SUN3: variants seen among roughly 807,000 people sequenced by gnomAD.
The protein encoded by SUN3 is SUN domain-containing protein 3.
In SUN3, 36 loss-of-function variants were observed where a neutral mutation model predicts 48.2. That is an observed-to-expected ratio of 0.75 (90% CI 0.57 to 0.99). The LOEUF is 0.99. Among genes scored for constraint, SUN3 ranks in the 50% least tolerant of loss-of-function variants. The pLI, the probability that SUN3 is intolerant of heterozygous loss-of-function variation, is 0.00. For synonymous variants in SUN3, 148 were observed against 147.9 expected, an observed-to-expected ratio of 1.00 and a Z score of 0.00; for missense variants, 419 against 433.1, an observed-to-expected ratio of 0.97 and a Z score of 0.29.
At chr7:47,990,920 G>C (rs1789040006) in intron 8 of SUN3, 1 of 399,228 alleles carries the variant, frequency 2.5e-6, no homozygotes, top group Non-Finnish European at 4.7e-6. Flanking sequence ...TGAACACAAA[G>C]CGGAGCAACA....
At chr7:47,991,046 CTAAAA>C (rs1286556937) in intron 8 of SUN3, 1 of 455,172 alleles carries the variant, frequency 2.2e-6, no homozygotes, top group East Asian at 7.0e-5. Context: ...ACCTCTGAAC[CTAAAA>C]TAAAAGTTAA....
intron 2 of SUN3, among the ~76,000 whole-genome samples, chr7:48,022,158 G>A (rs183673757): frequency 6.6e-6 from 1 of 152,152 alleles, no homozygotes; most frequent in African/African-American, 2.4e-5. Context: ...AGTGAAATAA[G>A]CCATTCATAG....
the SUN3 span, chr7:48,035,537 G>A: frequency 1.4e-6 from 1 of 698,304 alleles, no homozygotes; most frequent in South Asian, 1.5e-5. This position sits in a 1 kb window ranked among gnomAD's most constrained non-coding sequence, Gnocchi z 4.0. Flanking sequence ...GGCGCGCTGG[G>A]AGTTTGGGTT....
rs1407781327 is a variant in SUN3 at position 48,017,354 on chromosome 7, G to T, written c.196C>A (p.His66Asn). 6.3e-7 allele frequency: 1 copy of T among 1,589,000 alleles called. No homozygotes were observed. Residue 66 changes from histidine to asparagine, a missense_variant, in exon 3 of 10, where the codon CAT becomes AAT. Coordinates refer to ENST00000297325, the MANE Select transcript of SUN3 (RefSeq NM_001030019.2). The part of the protein sequence containing the change: ...LTFLLVGLLN[H>N]QWLKETDVPQ... ...ACATCTGTTTCTTTAAGCCACTGAT[G>T]ATTTAGGAGTCCTGTTAAAGAAAAG...
chr7:48,016,087 T>C (rs1472057610), intron 3 of SUN3, among the ~76,000 whole-genome samples: 1 of 152,168 alleles, frequency 6.6e-6, no homozygotes, highest in Non-Finnish European at 1.5e-5. Flanking sequence ...GTGCTTGAGA[T>C]GTTTTGCAGA....
intron 2 of SUN3, among the ~76,000 whole-genome samples, chr7:48,021,540 G>T (rs1789995749): frequency 6.8e-6 from 1 of 146,638 alleles, no homozygotes. Context: ...AATATATAAG[G>T]AGCTCAAACA....
chr7:48,004,392 A>C lies in SUN3; in HGVS notation c.577+1577T>G, dbSNP rs143735757. Among the ~76,000 whole-genome samples, 414 of 152,320 alleles carry C rather than the reference A, an allele frequency of 2.7e-3. 2 individuals are homozygous for C. Among genetic ancestry groups the C allele is most frequent in the Admixed American group, 6.3e-3 (96 of 15,302 alleles). ...AATGTCAGTCCTCCTTCCTTTTATG[A>C]GTGGTGGTTCCAATCTCAATTCAGT... On this transcript the variant is annotated intron_variant, in intron 6 of 9. Transcript: ENST00000297325.
the SUN3 span, among the ~76,000 whole-genome samples, chr7:48,035,171 G>C: frequency 6.6e-6 from 1 of 152,056 alleles, no homozygotes; most frequent in African/African-American, 2.4e-5. The surrounding 1 kb of genome is among the most constrained non-coding windows in gnomAD (Gnocchi z 4.0). Context: ...AATTTTTCTG[G>C]ACCGCTCTAC....
intron 6 of SUN3, among the ~76,000 whole-genome samples, chr7:48,004,677 G>A (rs560042975): frequency 3.3e-4 from 50 of 152,328 alleles, no homozygotes; most frequent in African/African-American, 1.1e-3. Flanking sequence ...TTTATTCTGC[G>A]ATTTTGGCTA....
Position 47,994,366 on chromosome 7 carries a change from CT to C in SUN3, c.809del (p.Lys270ArgfsTer31). The C allele has an allele frequency of 6.2e-7, 1 of 1,613,688 alleles. No homozygotes were observed. The highest frequency in any genetic ancestry group is 8.5e-7 in the Non-Finnish European group (1 of 1,179,852). On this transcript the variant is annotated frameshift_variant, in exon 8 of 10. Coordinates refer to ENST00000297325, the MANE Select transcript of SUN3 (RefSeq NM_001030019.2). LOFTEE classifies it high-confidence loss of function. ...TGGAGATGTTTCCTGACGGAGACAC[CT>C]TCTCTGAGATGTGCTCCATGGTAAC... Reference protein sequence around the residue: ...TAVTMEHISEKVSPSGNISSA... With the variant: ...TAVTMEHISEXVSPSGNISSA...
At chr7:47,992,015 C>T (rs1789079004) in intron 8 of SUN3, among the ~76,000 whole-genome samples, 1 of 152,142 alleles carries the variant, frequency 6.6e-6, no homozygotes, top group African/African-American at 2.4e-5. Context: ...GCCCTCCTCT[C>T]CCCAGCAGCT....
At chr7:48,005,086 A>G (rs1208575146) in intron 6 of SUN3, among the ~76,000 whole-genome samples, 1 of 152,242 alleles carries the variant, frequency 6.6e-6, no homozygotes, top group Admixed American at 6.5e-5. Flanking sequence ...GCTTTTCAAA[A>G]TGGAAGTTGT....
intron 8 of SUN3, among the ~76,000 whole-genome samples, chr7:47,990,736 T>A (rs1789035013): frequency 1.3e-5 from 2 of 151,820 alleles, no homozygotes; most frequent in Admixed American, 1.3e-4. Context: ...TGGGTTTTTT[T>A]AAGAAACAGG....
At chr7:48,024,422 A>ACATCATTAG (rs1790080066) in intron 2 of SUN3, among the ~76,000 whole-genome samples, 1 of 152,208 alleles carries the variant, frequency 6.6e-6, no homozygotes, top group Admixed American at 6.5e-5. Context: ...AAGATGCTTG[A>ACATCATTAG]CATCATTAGT....
chr7:48,029,051 A>G lies in SUN3; in HGVS notation c.-113T>C. On this transcript the variant is annotated 5_prime_UTR_variant, in exon 1 of 10. Coordinates refer to ENST00000297325, the MANE Select transcript of SUN3 (RefSeq NM_001030019.2). Reference sequence around the variant, plus strand: ...TACAGTTTCTAAATTTGTTTTGTATAATGTCTTCTTCCTCCACGGGTGTTT... The same window carrying G: ...TACAGTTTCTAAATTTGTTTTGTATGATGTCTTCTTCCTCCACGGGTGTTT... 6.8e-7 allele frequency: 1 copy of G among 1,464,430 alleles called. No individual in the cohort carries two copies. Among genetic ancestry groups the G allele is most frequent in the Non-Finnish European group, 9.2e-7 (1 of 1,081,606 alleles). The allele number at this position is 1,464,430 out of a possible 1,614,324, so 90.7% of individuals were successfully genotyped here.
chr7:47,995,435 C>T (rs191567343), intron 7 of SUN3, among the ~76,000 whole-genome samples: 1 of 152,270 alleles, frequency 6.6e-6, no homozygotes, highest in East Asian at 1.9e-4. Flanking sequence ...TAGATATAAA[C>T]TACAGCCTGG....
the SUN3 span, chr7:48,035,737 A>G: frequency 2.9e-4 from 171 of 583,828 alleles, no homozygotes; most frequent in African/African-American, 3.2e-3. The surrounding 1 kb of genome is among the most constrained non-coding windows in gnomAD (Gnocchi z 4.0). Flanking sequence ...GGCTGGAGGG[A>G]GGGGACCACC....
intron 6 of SUN3, among the ~76,000 whole-genome samples, chr7:48,004,339 T>A (rs1789466537): frequency 6.6e-6 from 1 of 152,244 alleles, no homozygotes; most frequent in Non-Finnish European, 1.5e-5. Flanking sequence ...TAGGGAATGC[T>A]TTTATTTGCT....
chr7:48,034,910 A>G, the SUN3 span, among the ~76,000 whole-genome samples: 66 of 152,340 alleles, frequency 4.3e-4, no homozygotes, highest in Admixed American at 2.5e-3. Flanking sequence ...AAGAATGTTC[A>G]CATGATAATT....
Sources: gnomAD v4.1 joint callset for allele counts (sites outside exome capture counted in the v4.1 genomes callset) on GRCh38, gnomAD v4.1.1 for gene constraint, Gnocchi (gnomAD v3.1) non-coding constraint, MANE v1.5 for transcripts, NCBI Gene and HGNC (gene_info 2026-07-23, HGNC 2026-07-21) for gene names.